Variants in DLGAP2 observed in about 807,000 individuals in gnomAD.
The protein encoded by DLGAP2 is disks large-associated protein 2.
DLGAP2 carries 26 observed loss-of-function variants against 100.3 expected under a neutral mutation model. The ratio of observed to expected loss-of-function variants is 0.26; its 90% CI spans 0.19 to 0.36. The LOEUF is 0.36. Ranked by LOEUF, DLGAP2 falls within the 10% of genes least tolerant of loss-of-function variation. The pLI is 1.00. For synonymous variants in DLGAP2, 886 were observed against 630.1 expected, an observed-to-expected ratio of 1.41 and a Z score of -6.08; for missense variants, 1,858 against 1,453.2, an observed-to-expected ratio of 1.28 and a Z score of -4.53.
At chr8:821,877 C>T (rs554897812) in intron 1 of DLGAP2, among the ~76,000 whole-genome samples, 2 of 152,246 alleles carry the variant, frequency 1.3e-5, no homozygotes, top group Non-Finnish European at 2.9e-5. Flanking sequence ...GATCCACGCA[C>T]ACAGCGTGCC....
chr8:960,575 T>C (rs2129009843), intron 2 of DLGAP2, among the ~76,000 whole-genome samples: 1 of 152,248 alleles, frequency 6.6e-6, no homozygotes, highest in East Asian at 1.9e-4. Flanking sequence ...CCCTAATGAT[T>C]ATTCTTTATC....
chr8:1,123,593 G>A (rs7011360), intron 2 of DLGAP2, among the ~76,000 whole-genome samples: 2,557 of 152,298 alleles, frequency 0.017, 69 homozygotes, highest in African/African-American at 0.058. Context: ...ATAAACCTGA[G>A]AAGGCCATTC....
At chr8:891,786 G>T (rs1584867412) in intron 1 of DLGAP2, among the ~76,000 whole-genome samples, 1 of 152,212 alleles carries the variant, frequency 6.6e-6, no homozygotes, top group Non-Finnish European at 1.5e-5. Flanking sequence ...CCCAGGACGG[G>T]GAGGGCCTGG....
rs544969948 is a variant in DLGAP2 at position 1,387,089 on chromosome 8, C to G, written c.107-114277C>G. On this transcript the variant is annotated intron_variant, in intron 3 of 14. Coordinates refer to ENST00000637795, the MANE Select transcript of DLGAP2 (RefSeq NM_001346810.2). ...TAACGGCATGTATTGCGGGTGTGGT[C>G]GAAAAGCTCAGGTATCATATAGCAA... Among the ~76,000 whole-genome samples the G allele has an allele frequency of 4.6e-5, 7 of 152,060 alleles. No homozygotes were observed. The South Asian group carries it at 8.3e-4, about 18-fold the overall frequency.
chr8:1,247,442 C>G (rs367648590), intron 2 of DLGAP2, among the ~76,000 whole-genome samples: 12 of 120,194 alleles, frequency 1.0e-4, no homozygotes, highest in East Asian at 2.7e-4. Context: ...TGGTGGCCGG[C>G]AAGACCTTTG....
At chr8:1,004,072 T>C (rs1563138878) in intron 2 of DLGAP2, among the ~76,000 whole-genome samples, 1 of 152,218 alleles carries the variant, frequency 6.6e-6, no homozygotes, top group Non-Finnish European at 1.5e-5. Context: ...AGAAGTGACA[T>C]TTGGATTGTT....
intron 3 of DLGAP2, among the ~76,000 whole-genome samples, chr8:1,319,382 G>T (rs1424023518): frequency 2.0e-5 from 3 of 152,196 alleles, no homozygotes; most frequent in Non-Finnish European, 4.4e-5. Flanking sequence ...GAGGCCACGT[G>T]TGGAAACCTC....
intron 6 of DLGAP2, among the ~76,000 whole-genome samples, chr8:1,586,493 G>A (rs1037405322): frequency 3.9e-5 from 6 of 152,170 alleles, no homozygotes; most frequent in African/African-American, 1.2e-4. Context: ...ATGCTCCTGC[G>A]CTGAGAGGGG....
At chr8:1,315,423 T>C (rs1800714389) in intron 3 of DLGAP2, among the ~76,000 whole-genome samples, 1 of 142,270 alleles carries the variant, frequency 7.0e-6, no homozygotes, top group South Asian at 2.3e-4. Context: ...CTTTTAAAAA[T>C]AGAGCGTGTG....
chr8:1,556,336 C>T (rs528765466), intron 5 of DLGAP2, among the ~76,000 whole-genome samples: 2 of 151,988 alleles, frequency 1.3e-5, no homozygotes, highest in Non-Finnish European at 2.9e-5. Flanking sequence ...CTGCTCTGTC[C>T]TCTCCCACCC....
chr8:994,793 A>C (rs542928250), intron 2 of DLGAP2, among the ~76,000 whole-genome samples: 1 of 152,160 alleles, frequency 6.6e-6, no homozygotes, highest in Non-Finnish European at 1.5e-5. Flanking sequence ...CAAGTCCCCA[A>C]AGTGTGATTC....
intron 3 of DLGAP2, among the ~76,000 whole-genome samples, chr8:1,311,420 A>G (rs1209026799): frequency 6.6e-6 from 1 of 152,356 alleles, no homozygotes; most frequent in Middle Eastern, 3.4e-3. Context: ...AATTCCTAAC[A>G]CATTCCTTGA....
In DLGAP2 at chr8:1,143,926, C is replaced by T. The variant is rs147625565; in HGVS notation, c.74-114925C>T. Among the ~76,000 whole-genome samples the T allele has an allele frequency of 3.3e-5, 5 of 152,234 alleles. No individual in the cohort carries two copies. The South Asian group carries it at 8.3e-4, about 25-fold the overall frequency. On this transcript the variant is annotated intron_variant, in intron 2 of 14. Coordinates refer to ENST00000637795, the MANE Select transcript of DLGAP2 (RefSeq NM_001346810.2). ...GCAACATAACAGAGGACTAGATGCACGTGTGTTATTTGAATGGCATAACAG... is the reference window on the plus strand; with the variant it reads ...GCAACATAACAGAGGACTAGATGCATGTGTGTTATTTGAATGGCATAACAG...
intron 1 of DLGAP2, among the ~76,000 whole-genome samples, chr8:848,960 TCCAGCATAGGATC>T (rs1797126511): frequency 1.3e-5 from 2 of 150,520 alleles, no homozygotes; most frequent in East Asian, 4.0e-4. Context: ...CGGTGCCTGT[TCCAGCATAGGATC>T]GTGAGGTGCC....
Position 1,686,373 on chromosome 8 carries a change from T to C in DLGAP2, c.2705-5162T>C, listed in dbSNP as rs111335792. ...AGATAAACACTGCGTAATCTCACTC[T>C]GATGTAGAGCTCAGGCGGGCGCAGT... On this transcript the variant is annotated intron_variant, in intron 12 of 14. Coordinates refer to ENST00000637795, the MANE Select transcript of DLGAP2 (RefSeq NM_001346810.2). Among the ~76,000 whole-genome samples, 540 of 152,348 alleles carry C rather than the reference T, an allele frequency of 3.5e-3. 4 individuals carry two copies. Among genetic ancestry groups the C allele is most frequent in the African/African-American group, 0.012 (498 of 41,574 alleles).
At chr8:1,368,617 A>T (rs1237851447) in intron 3 of DLGAP2, 2 of 152,234 alleles carry the variant, frequency 1.3e-5, no homozygotes, top group African/African-American at 4.8e-5. Context: ...CAAATCTTTC[A>T]AGATGACTAA....
At chr8:980,135 C>A (rs1346704851) in intron 2 of DLGAP2, among the ~76,000 whole-genome samples, 5 of 152,314 alleles carry the variant, frequency 3.3e-5, no homozygotes, top group Middle Eastern at 3.4e-3. Flanking sequence ...TCAGGAGTGA[C>A]TGAAGAGGAG....
intron 2 of DLGAP2, among the ~76,000 whole-genome samples, chr8:1,156,604 T>TAGCGTCCCAGCCCAGCGCCCCAGCCC (rs1796793266): frequency 4.4e-5 from 1 of 22,630 alleles, no homozygotes; most frequent in East Asian, 1.1e-3. Context: ...CGCCCCAGCC[T>TAGCGTCCCAGCCCAGCGCCCCAGCCC]AGCGTCCCAG....
chr8:896,261 T>A (rs1022064071), intron 1 of DLGAP2, among the ~76,000 whole-genome samples: 1 of 151,566 alleles, frequency 6.6e-6, no homozygotes, highest in African/African-American at 2.4e-5. Flanking sequence ...GAGGTGTCAA[T>A]CTCCAGGGTT....
Sources: allele counts gnomAD v4.1 joint callset (sites outside exome capture counted in the v4.1 genomes callset), GRCh38; gene constraint gnomAD v4.1.1; transcripts MANE v1.5; gene names NCBI Gene and HGNC (gene_info 2026-07-23, HGNC 2026-07-21).